MUC17: variants seen among roughly 807,000 people sequenced by gnomAD.
The protein encoded by MUC17 is mucin 17, cell surface associated.
Under a neutral mutation model 170.3 loss-of-function variants are expected in MUC17, and 190 were observed. That is an observed-to-expected ratio of 1.12 (90% CI 0.99 to 1.26). The LOEUF (loss-of-function observed/expected upper bound fraction) is 1.26. Among genes scored for constraint, MUC17 ranks in the 50% most tolerant of loss-of-function variants. The pLI is 0.00. For synonymous variants in MUC17, 2,325 were observed against 2,002.5 expected (o/e 1.16, Z -4.30); for missense variants, 6,415 against 5,530.0 (o/e 1.16, Z -5.08).
chr7:101,043,773 T>G lies in MUC17; in HGVS notation c.12357T>G (p.Ile4119Met), dbSNP rs1794783246. ...TTTAVPTNTT[I>M]KSNPTSTPTV... Reference sequence around the variant, plus strand: ...CCGCTGTCCCCACGAATACTACAATTAAGAGCAACCCCACCTCAACTCCTA... The same window carrying G: ...CCGCTGTCCCCACGAATACTACAATGAAGAGCAACCCCACCTCAACTCCTA... The change falls in exon 3 of 13, where the codon ATT becomes ATG. Residue 4119 changes from isoleucine (I) to methionine (M), a missense_variant. Ile to Met is a conservative substitution (Grantham distance 10, BLOSUM62 1). Transcript: ENST00000306151. The G allele has an allele frequency of 6.2e-7, 1 of 1,612,950 alleles. No homozygotes were observed. Among genetic ancestry groups the G allele is most frequent in the African/African-American group, 1.3e-5 (1 of 74,848 alleles).
Position 101,038,908 on chromosome 7 carries a change from A to G in MUC17, c.7492A>G (p.Thr2498Ala). 1.9e-6 allele frequency: 3 copies of G among 1,613,980 alleles called. No individual in the cohort carries two copies. Among genetic ancestry groups the G allele is most frequent in the Non-Finnish European group, 2.5e-6 (3 of 1,179,992 alleles). The change falls in exon 3 of 13, where the codon ACA (threonine) becomes GCA (alanine). Residue 2498 changes from threonine to alanine, a missense_variant. Transcript: ENST00000306151. ...TTSTEASSSP[T>A]TAEDIVVPIS... ...TTCTACTGAAGCCAGTTCATCTCCT[A>G]CAACTGCTGAAGATATCGTCGTGCC...
intron 1 of MUC17, among the ~76,000 whole-genome samples, chr7:101,030,883 T>C (rs1054250183): frequency 1.3e-5 from 2 of 152,222 alleles, no homozygotes; most frequent in Non-Finnish European, 1.5e-5. Flanking sequence ...TACGGGCACA[T>C]GCCACCTGCA....
chr7:101,053,399 T>TG lies in MUC17; in HGVS notation c.13329dup (p.Thr4444AspfsTer8). Reference sequence around the variant, plus strand: ...AAGAAGAGGACAGTGGACCAGCTCCTGGGACCTTCCAAAACATTGGCTTTG... The same window carrying TG: ...AAGAAGAGGACAGTGGACCAGCTCCTGGGGACCTTCCAAAACATTGGCTTTG... On this transcript the variant is annotated frameshift_variant, in exon 11 of 13. Transcript: ENST00000306151. LOFTEE classifies it high-confidence loss of function. 3 of 1,614,144 alleles carry TG rather than the reference T, an allele frequency of 1.9e-6. No homozygotes were observed. In the South Asian group the frequency reaches 3.3e-5, roughly 18 times the overall value.
rs200874741 is a variant in MUC17 at position 101,051,850 on chromosome 7, G to A, written c.12991G>A (p.Glu4331Lys). 446 of 1,614,076 alleles carry A rather than the reference G, an allele frequency of 2.8e-4. No individual in the cohort carries two copies. Among genetic ancestry groups the A allele is most frequent in the Non-Finnish European group, 3.6e-4 (420 of 1,180,032 alleles). The change falls in exon 9 of 13, where the codon GAG becomes AAG. Residue 4331 changes from glutamate to lysine, a missense_variant. Coordinates refer to ENST00000306151, the MANE Select transcript of MUC17 (RefSeq NM_001040105.2). ...GGAATATGGAGACTACTTCGTAGTG[G>A]AGTACCGGGACCAGAAGCCATACTG... The part of the protein sequence containing the change: ...AKEYGDYFVV[E>K]YRDQKPYCIS...
In MUC17 at chr7:101,043,475, G is replaced by A; in HGVS notation, c.12059G>A (p.Gly4020Asp). The change falls in exon 3 of 13, where the codon GGC becomes GAC. Residue 4020 changes from glycine (G) to aspartate (D), a missense_variant. By Grantham distance (94) the Gly-to-Asp change is moderately conservative. Transcript: ENST00000306151. ...APSTPRTTSRGCTTSASTLSA... is the reference protein window; with the variant it reads ...APSTPRTTSRDCTTSASTLSA... ...AGCACACCCAGAACAACCAGCAGAG[G>A]CTGCACTACTTCTGCATCAACGCTT... 6.2e-7 allele frequency: 1 copy of A among 1,614,104 alleles called. No homozygotes were observed. Among genetic ancestry groups the A allele is most frequent in the Non-Finnish European group, 8.5e-7 (1 of 1,180,032 alleles).
At chr7:101,053,265 G>A (rs929996829) in intron 10 of MUC17, 74 bp from the exon 11 acceptor site, 19 of 1,583,590 alleles carry the variant, frequency 1.2e-5, no homozygotes, top group Non-Finnish European at 1.5e-5. Context: ...CTAAAAATGG[G>A]GATACAGCTT....
chr7:101,050,574 A>G lies in MUC17; in HGVS notation c.12813A>G (p.Val4271=). ...YKTVLDNATE[V]VKEKITKVTT... ...CAGTATTGGACAATGCCACCGAAGT[A>G]GTGAAAGAGAAAATCACAAAAGTGA... is the stretch of plus-strand genomic sequence containing the variant. The change falls in exon 7 of 13, where the codon GTA becomes GTG. Residue 4271 remains valine, a synonymous_variant. Transcript: ENST00000306151. The G allele has an allele frequency of 6.2e-7, 1 of 1,614,238 alleles. No homozygotes were observed. Among genetic ancestry groups the G allele is most frequent in the Admixed American group, 1.7e-5 (1 of 60,030 alleles).
intron 3 of MUC17, 23 bp downstream of exon 3, chr7:101,043,842 C>A (rs764237128): frequency 4.5e-6 from 7 of 1,568,694 alleles, no homozygotes; most frequent in Non-Finnish European, 6.1e-6. Flanking sequence ...TTGAATTTTC[C>A]TTTTTTTTAA....
At chr7:101,057,422 G>C (rs1359977939) in intron 12 of MUC17, among the ~76,000 whole-genome samples, 1 of 152,198 alleles carries the variant, frequency 6.6e-6, no homozygotes, top group Non-Finnish European at 1.5e-5. Flanking sequence ...GTTTGTGCTA[G>C]AATCCAGGTA....
chr7:101,035,486 T>C lies in MUC17; in HGVS notation c.4070T>C (p.Leu1357Pro), dbSNP rs1346296948. 1.9e-6 allele frequency: 3 copies of C among 1,602,344 alleles called. No homozygotes were observed. In the Admixed American group the frequency reaches 5.1e-5, roughly 27 times the overall value. The change falls in exon 3 of 13, where the codon CTT becomes CCT. Residue 1357 changes from leucine to proline, a missense_variant. Leu to Pro is a moderately conservative substitution (Grantham distance 98, BLOSUM62 -3). Transcript: ENST00000306151. ...GTGGCCAGTTCTGCAATCAGCATCC[T>C]TTCAACAACTCCTGTTGACAACAGC... ...TLVASSAISI[L>P]STTPVDNSTP... is the part of the protein sequence containing the mutation.
intron 1 of MUC17, among the ~76,000 whole-genome samples, chr7:101,020,575 C>T (rs907279407): frequency 2.6e-5 from 4 of 152,072 alleles, no homozygotes; most frequent in Non-Finnish European, 4.4e-5. Flanking sequence ...GACTGGTGTT[C>T]AACCCATATT....
In MUC17 at chr7:101,039,337, A is replaced by G; in HGVS notation, c.7921A>G (p.Ser2641Gly). 1 of 1,613,404 alleles carries G rather than the reference A, an allele frequency of 6.2e-7. No homozygotes were observed. The highest frequency in any genetic ancestry group is 8.5e-7 in the Non-Finnish European group (1 of 1,179,614). Residue 2641 changes from serine to glycine, a missense_variant, in exon 3 of 13, where the codon AGC (serine) becomes GGC (glycine). Transcript: ENST00000306151. ...TACTTCATTAACAAGTATACTTGTC[A>G]GCACCATGCCAGTGGCCAGTTCTGA... Reference protein sequence around the residue: ...VSTSLTSILVSTMPVASSEAS... With the variant: ...VSTSLTSILVGTMPVASSEAS...
intron 6 of MUC17, 111 bp downstream of exon 6, chr7:101,049,493 C>A (rs1431146225): frequency 6.5e-6 from 9 of 1,390,078 alleles, no homozygotes; most frequent in Non-Finnish European, 8.8e-6. Context: ...GCAGCTATTG[C>A]AGAATACCAC....
rs1260740783 is a variant in MUC17 at position 101,038,971 on chromosome 7, A to G, written c.7555A>G (p.Ser2519Gly). The G allele has an allele frequency of 6.2e-7, 1 of 1,614,056 alleles. No homozygotes were observed. Among genetic ancestry groups the G allele is most frequent in the East Asian group, 2.2e-5 (1 of 44,858 alleles). Residue 2519 changes from serine (S) to glycine (G), a missense_variant, in exon 3 of 13, where the codon AGT (serine) becomes GGT (glycine). Physicochemically the swap from Ser to Gly is moderately conservative, Grantham distance 56. Coordinates refer to ENST00000306151, the MANE Select transcript of MUC17 (RefSeq NM_001040105.2). ...TAGTGAAGGAAGTACTCTATTAACAAGTATACCTGTCAGCACCACGCCAGT... is the reference window on the plus strand; with the variant it reads ...TAGTGAAGGAAGTACTCTATTAACAGGTATACCTGTCAGCACCACGCCAGT... ...TASEGSTLLTSIPVSTTPVAS... is the reference protein window; with the variant it reads ...TASEGSTLLTGIPVSTTPVAS...
In MUC17 at chr7:101,038,770, A is replaced by C. The variant is rs1794579048; in HGVS notation, c.7354A>C (p.Ser2452Arg). Residue 2452 changes from serine (S) to arginine (R), a missense_variant, in exon 3 of 13, where the codon AGT (serine) becomes CGT (arginine). By Grantham distance (110) the Ser-to-Arg change is moderately radical (BLOSUM62 -1). Transcript: ENST00000306151. ...EGTSIPTSPP[S>R]EGTTPLASMP... ...TACCAGCATACCAACCTCACCTCCT[A>C]GTGAAGGAACCACTCCGTTAGCAAG... is the stretch of plus-strand genomic sequence containing the variant. The C allele has an allele frequency of 1.2e-6, 2 of 1,612,730 alleles. No individual in the cohort carries two copies. The highest frequency in any genetic ancestry group is 1.7e-6 in the Non-Finnish European group (2 of 1,179,160).
At chr7:101,024,215 C>A (rs1053849192) in intron 1 of MUC17, among the ~76,000 whole-genome samples, 1 of 151,852 alleles carries the variant, frequency 6.6e-6, no homozygotes, top group Admixed American at 6.6e-5. Context: ...GCCTGGCCAA[C>A]CTGGCAAAAC....
In MUC17 at chr7:101,035,555, C is replaced by T. The variant is rs201626817; in HGVS notation, c.4139C>T (p.Thr1380Ile). Residue 1380 changes from threonine to isoleucine, a missense_variant, in exon 3 of 13, where the codon ACT becomes ATT. Thr to Ile is a moderately conservative substitution (Grantham distance 89). Transcript: ENST00000306151. ...TSTEACSSPT[T>I]SEGTSMPNSN... ...ACTGAAGCCTGTTCATCTCCTACAA[C>T]TTCTGAAGGTACCAGCATGCCAAAC... 212 of 1,596,678 alleles carry T rather than the reference C, an allele frequency of 1.3e-4. 1 individual carries two copies. Among genetic ancestry groups the T allele is most frequent in the Non-Finnish European group, 1.7e-4 (199 of 1,169,538 alleles).
rs781199744 is a variant in MUC17, at chr7:101,042,798, T to C, written c.11382T>C (p.Ser3794=). ...SMTTASEGSS[S]PTTLEGTTTM... ...CCACTGCCTCTGAAGGCAGTTCATC[T>C]CCTACAACTCTTGAAGGCACCACCA... Residue 3794 remains serine (S), a synonymous_variant, in exon 3 of 13, where the codon TCT becomes TCC. Coordinates refer to ENST00000306151, the MANE Select transcript of MUC17 (RefSeq NM_001040105.2). 2 of 1,614,156 alleles carry C rather than the reference T, an allele frequency of 1.2e-6. No individual in the cohort carries two copies. Among genetic ancestry groups the C allele is most frequent in the Non-Finnish European group, 8.5e-7 (1 of 1,180,010 alleles).
At position 101,032,362 on chromosome 7, in the gene MUC17, C is replaced by G. The variant is rs1794310429; in HGVS notation, c.946C>G (p.Pro316Ala). The G allele has an allele frequency of 1.2e-6, 2 of 1,613,690 alleles. No individual in the cohort carries two copies. The highest frequency in any genetic ancestry group is 2.2e-5 in the South Asian group (2 of 91,076). Residue 316 changes from proline (P) to alanine (A), a missense_variant, in exon 3 of 13, where the codon CCT (proline) becomes GCT (alanine). Transcript: ENST00000306151. Reference sequence around the variant, plus strand: ...CACTTCTACTGAAGCCAGTTCATCTCCTACAACGGCTGAAGGCACCAGCAT... The same window carrying G: ...CACTTCTACTGAAGCCAGTTCATCTGCTACAACGGCTGAAGGCACCAGCAT... ...VITSTEASSS[P>A]TTAEGTSIPT...
Sources: allele counts gnomAD v4.1 joint callset (sites outside exome capture counted in the v4.1 genomes callset), GRCh38; gene constraint gnomAD v4.1.1; transcripts MANE v1.5; gene names NCBI Gene and HGNC (gene_info 2026-07-23, HGNC 2026-07-21).